ASIC2: variants seen among roughly 807,000 people sequenced by gnomAD.
The protein encoded by ASIC2 is acid sensing ion channel subunit 2, also known as acid-sensing ion channel 2.
Under a neutral mutation model 57.3 loss-of-function variants are expected in ASIC2, and 25 were observed. The ratio of observed to expected loss-of-function variants is 0.44; its 90% confidence interval spans 0.32 to 0.61. ASIC2 has a LOEUF of 0.61. ASIC2 is among the 20% of genes least tolerant of loss of function. ASIC2 has a pLI of 0.06. For missense variants in ASIC2, 641 were observed against 738.1 expected (o/e 0.87, Z 1.52); for synonymous variants, 319 against 307.5 (o/e 1.04, Z -0.39).
intron 1 of ASIC2, among the ~76,000 whole-genome samples, chr17:33,228,585 C>A (rs147732235): frequency 7.2e-5 from 11 of 152,318 alleles, no homozygotes; most frequent in African/African-American, 2.6e-4. Flanking sequence ...ACCCACCATC[C>A]CAACAAGAAG....
chr17:34,063,831 C>T (rs936768660), intron 1 of ASIC2, among the ~76,000 whole-genome samples: 1 of 152,032 alleles, frequency 6.6e-6, no homozygotes, highest in Non-Finnish European at 1.5e-5. Context: ...AGTCGAAAGA[C>T]CTCTAGAAGG....
rs61263575 is a variant in ASIC2 at position 33,594,827 on chromosome 17, C to CAA, written c.556-482762_556-482761dup. On this transcript the variant is annotated intron_variant, in intron 1 of 9. Coordinates refer to the ASIC2 transcript ENST00000359872. Reference sequence around the variant, plus strand: ...TGGGCGACAGAGGGAGACTCCATTTCAAAAAAAAAAAAAAAAAGAGCTCTG... The same window carrying CAA: ...TGGGCGACAGAGGGAGACTCCATTTCAAAAAAAAAAAAAAAAAAAGAGCTCTG... Among the ~76,000 whole-genome samples, 790 of 114,150 alleles carry CAA rather than the reference C, an allele frequency of 6.9e-3. 11 individuals carry two copies. The highest frequency in any genetic ancestry group is 0.047 in the East Asian group (201 of 4,254). 74.9% of individuals were successfully genotyped at this position (114,150 alleles called of 152,430 possible).
chr17:33,283,767 T>C (rs974060860), intron 1 of ASIC2, among the ~76,000 whole-genome samples: 3 of 152,138 alleles, frequency 2.0e-5, no homozygotes, highest in Non-Finnish European at 4.4e-5. Context: ...GTAATCAGCA[T>C]CCTCCATTGC....
intron 1 of ASIC2, among the ~76,000 whole-genome samples, chr17:33,785,937 G>A (rs1464936231): frequency 1.3e-5 from 2 of 152,210 alleles, no homozygotes; most frequent in Non-Finnish European, 2.9e-5. Context: ...CTGCTTCAGA[G>A]ACCAGCACAG....
In ASIC2 at chr17:33,365,727, A is replaced by C. The variant is rs75228377; in HGVS notation, c.556-253660T>G. On this transcript the variant is annotated intron_variant, in intron 1 of 9. Coordinates refer to the ASIC2 transcript ENST00000359872. ...GTTGGGCCTGATGACTTAAAAAAAAAACCTTACTTTATCCCCTTTTTATTT... is the reference window on the plus strand; with the variant it reads ...GTTGGGCCTGATGACTTAAAAAAAACACCTTACTTTATCCCCTTTTTATTT... 3.6e-3 allele frequency among the ~76,000 whole-genome samples: 546 copies of C among 152,298 alleles called. 2 individuals are homozygous for C. Among genetic ancestry groups the C allele is most frequent in the Middle Eastern group, 6.8e-3 (2 of 294 alleles).
chr17:33,843,033 G>A (rs1400854097), intron 1 of ASIC2, among the ~76,000 whole-genome samples: 1 of 152,238 alleles, frequency 6.6e-6, no homozygotes, highest in Non-Finnish European at 1.5e-5. Flanking sequence ...GTATTCAACA[G>A]AGAAAAACAA....
chr17:34,127,217 G>A (rs550837253), intron 1 of ASIC2, among the ~76,000 whole-genome samples: 4 of 152,232 alleles, frequency 2.6e-5, no homozygotes, highest in South Asian at 2.1e-4. Flanking sequence ...TATGAGCATC[G>A]GGGCTTTTCA....
intron 1 of ASIC2, among the ~76,000 whole-genome samples, chr17:34,080,204 C>T (rs1332349566): frequency 6.6e-6 from 1 of 152,218 alleles, no homozygotes; most frequent in Non-Finnish European, 1.5e-5. Flanking sequence ...AACTATGATG[C>T]ACTGCCAGGG....
At chr17:33,271,834 C>T (rs1048261376) in intron 1 of ASIC2, among the ~76,000 whole-genome samples, 1 of 152,240 alleles carries the variant, frequency 6.6e-6, no homozygotes, top group Non-Finnish European at 1.5e-5. Context: ...ACTCTCATTC[C>T]TAAGCCCTCC....
At chr17:33,471,459 A>G (rs1046143798) in intron 1 of ASIC2, among the ~76,000 whole-genome samples, 1 of 152,158 alleles carries the variant, frequency 6.6e-6, no homozygotes, top group African/African-American at 2.4e-5. Context: ...AAGAGGTGAG[A>G]TGCTAGAAAT....
At chr17:33,249,939 G>C (rs1908824962) in intron 1 of ASIC2, among the ~76,000 whole-genome samples, 1 of 152,186 alleles carries the variant, frequency 6.6e-6, no homozygotes, top group Admixed American at 6.5e-5. Flanking sequence ...TGAAAAGTGA[G>C]TGGGGCCAAT....
At chr17:33,658,284 A>T (rs1392670358) in intron 1 of ASIC2, among the ~76,000 whole-genome samples, 1 of 152,258 alleles carries the variant, frequency 6.6e-6, no homozygotes, top group Non-Finnish European at 1.5e-5. Context: ...TGAGTGAGCC[A>T]GGAAGCGAAG....
intron 1 of ASIC2, among the ~76,000 whole-genome samples, chr17:33,684,693 C>A (rs1908125519): frequency 6.6e-6 from 1 of 151,882 alleles, no homozygotes. Context: ...TAGATTCTGG[C>A]TTTGACAGAA....
chr17:33,524,564 G>C (rs1438413975), intron 1 of ASIC2, among the ~76,000 whole-genome samples: 3 of 152,062 alleles, frequency 2.0e-5, no homozygotes, highest in Admixed American at 1.3e-4. Flanking sequence ...TGTGCACTGG[G>C]AGGGGGTGTC....
chr17:33,290,210 A>G (rs1905363478), intron 1 of ASIC2, among the ~76,000 whole-genome samples: 2 of 152,248 alleles, frequency 1.3e-5, no homozygotes, highest in African/African-American at 2.4e-5. Flanking sequence ...CAATCAGCCA[A>G]TGAGAGACCT....
At chr17:34,023,239 TTC>T (rs900658810) in intron 1 of ASIC2, among the ~76,000 whole-genome samples, 6 of 152,090 alleles carry the variant, frequency 3.9e-5, no homozygotes, top group African/African-American at 7.2e-5. Flanking sequence ...TCACTGACCT[TTC>T]TCTTTCTTCT....
chr17:33,615,867 T>TTATG (rs1323067108), intron 1 of ASIC2, among the ~76,000 whole-genome samples: 1 of 152,198 alleles, frequency 6.6e-6, no homozygotes, highest in Non-Finnish European at 1.5e-5. Flanking sequence ...CCCCATCCTC[T>TTATG]TATGTGCAGG....
chr17:33,902,855 C>T (rs1915261426), intron 1 of ASIC2, among the ~76,000 whole-genome samples: 1 of 152,166 alleles, frequency 6.6e-6, no homozygotes, highest in South Asian at 2.1e-4. Flanking sequence ...TCCCCAAAAC[C>T]ATCAATTTCT....
At chr17:33,329,814 G>A (rs1274248062) in intron 1 of ASIC2, among the ~76,000 whole-genome samples, 1 of 152,070 alleles carries the variant, frequency 6.6e-6, no homozygotes, top group Admixed American at 6.5e-5. Flanking sequence ...CAGAGACAAT[G>A]AGTCTGTGGA....
Sources: gnomAD v4.1 joint callset for allele counts (sites outside exome capture counted in the v4.1 genomes callset) on GRCh38, gnomAD v4.1.1 for gene constraint, MANE v1.5 for transcripts, NCBI Gene and HGNC (gene_info 2026-07-23, HGNC 2026-07-21) for gene names.